SLC38A7: variants seen among roughly 807,000 people sequenced by gnomAD.
SLC38A7 encodes sodium-coupled neutral amino acid transporter 7.
Under a neutral mutation model 50.1 loss-of-function variants are expected in SLC38A7, and 29 were observed. That is an observed-to-expected ratio of 0.58 (90% CI 0.43 to 0.79). The LOEUF (loss-of-function observed/expected upper bound fraction) is 0.79. Ranked by LOEUF, SLC38A7 falls within the 30% of genes least tolerant of loss-of-function variation. SLC38A7 has a pLI of 0.00. For missense variants in SLC38A7, 483 were observed against 610.6 expected (o/e 0.79, Z 2.20); for synonymous variants, 244 against 245.9 (o/e 0.99, Z 0.07).
rs1174635580 is a variant in SLC38A7 at position 58,684,743 on chromosome 16, T to G, written c.-366A>C. 6.6e-6 allele frequency: 1 copy of G among 152,294 alleles called. No homozygotes were observed. Among genetic ancestry groups the G allele is most frequent in the African/African-American group, 2.4e-5 (1 of 41,474 alleles). 9.4% of individuals were successfully genotyped at this position (152,294 alleles called of 1,614,324 possible). On this transcript the variant is annotated 5_prime_UTR_variant, in exon 1 of 12. Coordinates refer to ENST00000219320, the MANE Select transcript of SLC38A7 (RefSeq NM_018231.3). ...TTGGGGGATTCTTTCCCGAGCCGGC[T>G]GCGGAGACACGTGAGCATGCATCAC...
intron 2 of SLC38A7, among the ~76,000 whole-genome samples, chr16:58,682,519 G>C (rs953865632): frequency 1.3e-5 from 2 of 151,988 alleles, no homozygotes; most frequent in African/African-American, 4.8e-5. Context: ...GAGTGCAGTG[G>C]CGCAATCAGA....
intron 6 of SLC38A7, 30 bp from the exon 7 acceptor site, chr16:58,676,376 C>G: frequency 6.2e-7 from 1 of 1,613,906 alleles, no homozygotes; most frequent in Non-Finnish European, 8.5e-7. Flanking sequence ...GTGCTGCCAC[C>G]TGGGAACCCC....
chr16:58,670,117 C>A lies in SLC38A7; in HGVS notation c.1282G>T (p.Ala428Ser). 5 of 1,614,160 alleles carry A rather than the reference C, an allele frequency of 3.1e-6. 1 individual carries two copies. Among genetic ancestry groups the A allele is most frequent in the Non-Finnish European group, 2.5e-6 (3 of 1,180,010 alleles). ...AAGGGCTGGGTCCTGCTTTACCTGG[C>A]TGGTTTGACCTCTTCCATCTCAGAG... ...KLSEMEEVKP[A>S]SWWVLVSYGV... The change falls in exon 11 of 12, where the codon GCC (alanine) becomes TCC (serine). Residue 428 changes from alanine (A) to serine (S), a missense_variant. Physicochemically the swap from Ala to Ser is moderately conservative, Grantham distance 99. Coordinates refer to ENST00000219320, the MANE Select transcript of SLC38A7 (RefSeq NM_018231.3).
At chr16:58,669,865 C>T (rs547324581) in intron 11 of SLC38A7, among the ~76,000 whole-genome samples, 1 of 148,712 alleles carries the variant, frequency 6.7e-6, no homozygotes, top group African/African-American at 2.5e-5. Context: ...GTCCTAGCTA[C>T]TCGGGAGGCT....
At position 58,671,078 on chromosome 16, in the gene SLC38A7, C is replaced by A; in HGVS notation, c.1198G>T (p.Gly400Cys). Residue 400 changes from glycine to cysteine, a missense_variant, in exon 10 of 12, where the codon GGC becomes TGC. Coordinates refer to ENST00000219320, the MANE Select transcript of SLC38A7 (RefSeq NM_018231.3). ...ACGAAGATGAAGCAGGCGGCCAGGC[C>A]TCCAATGACTGAGATCACCTTGCCG... is the stretch of plus-strand genomic sequence containing the variant. ...DIGKVISVIG[G>C]LAACFIFVFP... The A allele has an allele frequency of 6.2e-7, 1 of 1,611,682 alleles. No homozygotes were observed.
chr16:58,674,809 T>C (rs778408330), intron 8 of SLC38A7, among the ~76,000 whole-genome samples: 1 of 152,156 alleles, frequency 6.6e-6, no homozygotes. Flanking sequence ...TCCTACGGTC[T>C]ATCCGTGGAA....
rs374833002 is a variant in SLC38A7 at position 58,678,658 on chromosome 16, TAAG to T, written c.469+35_469+37del. 106 of 1,607,284 alleles carry T rather than the reference TAAG, an allele frequency of 6.6e-5. No individual in the cohort carries two copies. The highest frequency in any genetic ancestry group is 5.7e-4 in the African/African-American group (43 of 74,874). ...TCCACCCCAGGATCCCTGGGGCTGA[TAAG>T]AAGAGATGGGGTAGGGACTGAGGGA... On this transcript the variant is annotated intron_variant, in intron 4 of 11. Transcript: ENST00000219320. This position sits in a 1 kb window ranked among gnomAD's most constrained non-coding sequence, Gnocchi z 4.0.
chr16:58,672,059 G>A (rs2152076034), intron 9 of SLC38A7, 37 bp downstream of exon 9: 2 of 1,535,138 alleles, frequency 1.3e-6, no homozygotes, highest in Non-Finnish European at 1.8e-6. Flanking sequence ...CGCTCACAGG[G>A]GCTAGGAGGG....
chr16:58,678,630 C>T lies in SLC38A7; in HGVS notation c.469+66G>A. 1 of 1,589,110 alleles carries T rather than the reference C, an allele frequency of 6.3e-7. No homozygotes were observed. The highest frequency in any genetic ancestry group is 1.1e-5 in the South Asian group (1 of 89,852). Reference sequence around the variant, plus strand: ...CCTGGAGAGGTGTTCAGTGCCTTTTCCCTCCACCCCAGGATCCCTGGGGCT... The same window carrying T: ...CCTGGAGAGGTGTTCAGTGCCTTTTTCCTCCACCCCAGGATCCCTGGGGCT... On this transcript the variant is annotated intron_variant, in intron 4 of 11. Transcript: ENST00000219320. This position sits in a 1 kb window ranked among gnomAD's most constrained non-coding sequence, Gnocchi z 4.0.
chr16:58,667,548 A>AAT, intron 11 of SLC38A7, 61 bp from the exon 12 acceptor site: 1 of 1,272,290 alleles, frequency 7.9e-7, no homozygotes, highest in Non-Finnish European at 1.1e-6. Flanking sequence ...TGCAGACTTC[A>AAT]ATATATATAA....
At chr16:58,667,730 T>C (rs982192307) in intron 11 of SLC38A7, among the ~76,000 whole-genome samples, 1 of 152,044 alleles carries the variant, frequency 6.6e-6, no homozygotes, top group Non-Finnish European at 1.5e-5. Context: ...ACGATTCGAA[T>C]GTAGGCATCC....
chr16:58,678,698 T>C lies in SLC38A7; in HGVS notation c.467A>G (p.Lys156Arg), dbSNP rs745911792. The change falls in exon 4 of 12, where the codon AAG (lysine) becomes AGG (arginine). Residue 156 changes from lysine to arginine, a missense_variant and splice_region_variant. Transcript: ENST00000219320. This position sits in a 1 kb window ranked among gnomAD's most constrained non-coding sequence, Gnocchi z 4.0. Reference protein sequence around the residue: ...FLIIIGDQQDKIIAVMAKEPE... With the variant: ...FLIIIGDQQDRIIAVMAKEPE... ...TAGGGACTGAGGGAGAAGCTCACTCTTGTCCTGCTGGTCGCCAATGATGAT... is the reference window on the plus strand; with the variant it reads ...TAGGGACTGAGGGAGAAGCTCACTCCTGTCCTGCTGGTCGCCAATGATGAT... 1.2e-6 allele frequency: 2 copies of C among 1,613,840 alleles called. No homozygotes were observed. The highest frequency in any genetic ancestry group is 1.1e-5 in the South Asian group (1 of 91,026).
chr16:58,680,983 G>A (rs528958929), intron 2 of SLC38A7, among the ~76,000 whole-genome samples: 1 of 152,254 alleles, frequency 6.6e-6, no homozygotes, highest in East Asian at 1.9e-4. Flanking sequence ...CCATGTAGGG[G>A]CCCAGAACCA....
Position 58,680,082 on chromosome 16 carries a change from C to G in SLC38A7, c.45G>C (p.Leu15Phe). The change falls in exon 3 of 12, where the codon TTG becomes TTC. Residue 15 changes from leucine to phenylalanine, a missense_variant. By Grantham distance (22) the Leu-to-Phe change is conservative. Coordinates refer to ENST00000219320, the MANE Select transcript of SLC38A7 (RefSeq NM_018231.3). ...GAGCCCGCTCCCCGGCATCCGTGCTCAAGTCCCACTCGCTGTAGTCATTGT... is the reference window on the plus strand; with the variant it reads ...GAGCCCGCTCCCCGGCATCCGTGCTGAAGTCCCACTCGCTGTAGTCATTGT... ...SINNDYSEWDLSTDAGERARL... is the reference protein window; with the variant it reads ...SINNDYSEWDFSTDAGERARL... 1 of 1,564,292 alleles carries G rather than the reference C, an allele frequency of 6.4e-7. No homozygotes were observed. Among genetic ancestry groups the G allele is most frequent in the Non-Finnish European group, 8.7e-7 (1 of 1,154,416 alleles).
At chr16:58,671,297 C>T (rs926194258) in intron 9 of SLC38A7, 53 bp from the exon 10 acceptor site, 2 of 1,574,140 alleles carry the variant, frequency 1.3e-6, no homozygotes, top group Non-Finnish European at 1.7e-6. Flanking sequence ...CAGCTCCCCA[C>T]CTCTAGCTCA....
rs1034096295 is a variant in SLC38A7 at position 58,666,825 on chromosome 16, G to A, written c.*560C>T. 1.3e-5 allele frequency: 2 copies of A among 153,446 alleles called. No homozygotes were observed. Among genetic ancestry groups the A allele is most frequent in the African/African-American group, 4.8e-5 (2 of 41,472 alleles). The allele number at this position is 153,446 out of a possible 1,614,324, so 9.5% of individuals were successfully genotyped here. On this transcript the variant is annotated 3_prime_UTR_variant, in exon 12 of 12. Coordinates refer to ENST00000219320, the MANE Select transcript of SLC38A7 (RefSeq NM_018231.3). ...GCCTGGGAAATGTCTATTAGCTATG[G>A]GAAAGAGGCTGACAGGTTCATGGTG... is the stretch of plus-strand genomic sequence containing the variant.
Position 58,678,152 on chromosome 16 carries a change from A to G in SLC38A7, c.611+181T>C, listed in dbSNP as rs550971793. Among the ~76,000 whole-genome samples the G allele has an allele frequency of 1.2e-4, 19 of 152,258 alleles. No homozygotes were observed. The highest frequency in any genetic ancestry group is 1.8e-4 in the Non-Finnish European group (12 of 68,010). On this transcript the variant is annotated intron_variant, in intron 5 of 11. Transcript: ENST00000219320. This position sits in a 1 kb window ranked among gnomAD's most constrained non-coding sequence, Gnocchi z 4.0. Reference sequence around the variant, plus strand: ...TCTCTCATGGATGCATCCTTTTTCTATGATGGAGACAGAAAAGGATGGTCT... The same window carrying G: ...TCTCTCATGGATGCATCCTTTTTCTGTGATGGAGACAGAAAAGGATGGTCT...
intron 2 of SLC38A7, 141 bp downstream of exon 2, chr16:58,683,814 C>T (rs2044439714): frequency 6.6e-6 from 1 of 152,392 alleles, no homozygotes; most frequent in South Asian, 2.1e-4. Context: ...CTCCTGCCAC[C>T]CACATGAGAG....
chr16:58,684,735 G>A lies in SLC38A7; in HGVS notation c.-358C>T, dbSNP rs536677232. On this transcript the variant is annotated 5_prime_UTR_variant, in exon 1 of 12. Transcript: ENST00000219320. Reference sequence around the variant, plus strand: ...CACCTACCTTGGGGGATTCTTTCCCGAGCCGGCTGCGGAGACACGTGAGCA... The same window carrying A: ...CACCTACCTTGGGGGATTCTTTCCCAAGCCGGCTGCGGAGACACGTGAGCA... The A allele has an allele frequency of 1.3e-5, 2 of 152,258 alleles. No homozygotes were observed. Among genetic ancestry groups the A allele is most frequent in the East Asian group, 1.9e-4 (1 of 5,194 alleles). The allele number at this position is 152,258 out of a possible 1,614,324, so 9.4% of individuals were successfully genotyped here. A position where few individuals can be genotyped will look rare whatever the true frequency, so the allele number is the denominator to read the frequency against.
Sources: gnomAD v4.1 joint callset for allele counts (sites outside exome capture counted in the v4.1 genomes callset) on GRCh38, gnomAD v4.1.1 for gene constraint, Gnocchi (gnomAD v3.1) non-coding constraint, MANE v1.5 for transcripts, NCBI Gene and HGNC (gene_info 2026-07-23, HGNC 2026-07-21) for gene names.